SRCIN1: variants seen among roughly 807,000 people sequenced by gnomAD.
The protein encoded by SRCIN1 is SRC kinase signaling inhibitor 1.
A neutral mutation model predicts 116.2 loss-of-function variants in SRCIN1; 50 were observed. The ratio of observed to expected loss-of-function variants is 0.43; its 90% CI spans 0.34 to 0.54. The LOEUF is 0.54. SRCIN1 is among the 20% of genes least tolerant of loss of function. SRCIN1 has a pLI of 0.02. For missense variants in SRCIN1, 1,446 were observed against 1,672.0 expected (o/e 0.86, Z 2.36); for synonymous variants, 736 against 750.0 (o/e 0.98, Z 0.30).
Position 38,559,682 on chromosome 17 carries a change from G to A in SRCIN1, c.1928C>T (p.Thr643Ile). The A allele has an allele frequency of 6.3e-7, 1 of 1,598,888 alleles. No individual in the cohort carries two copies. Among genetic ancestry groups the A allele is most frequent in the Non-Finnish European group, 8.5e-7 (1 of 1,178,186 alleles). The change falls in exon 10 of 19, where the codon ACC becomes ATC. Residue 643 changes from threonine to isoleucine, a missense_variant. Around this residue, in one of 5 missense-constraint regions of SRCIN1, gnomAD observed 398 missense variants for 385.6 expected, o/e 1.03. Transcript: ENST00000617146. The stretch of plus-strand genomic sequence containing the variant: ...CTGCATCTGCAGCCGGCTAACGGCG[G>A]TAGGCTGACCTGCGGGGGTGCTGCT... ...SASSTPAGQP[T>I]AVSRLQMQLH...
At position 38,604,852 on chromosome 17, in the gene SRCIN1, A is replaced by G. The variant is rs571210242; in HGVS notation, c.22+832T>C. Reference sequence around the variant, plus strand: ...CACCCCTCAGCCGCCTGCCTTCCCTATCTTCTCACTCACCCTAGATGCCCT... The same window carrying G: ...CACCCCTCAGCCGCCTGCCTTCCCTGTCTTCTCACTCACCCTAGATGCCCT... On this transcript the variant is annotated intron_variant, in intron 1 of 18. Transcript: ENST00000617146. This position sits in a 1 kb window ranked among gnomAD's most constrained non-coding sequence, Gnocchi z 4.3. Among the ~76,000 whole-genome samples the G allele has an allele frequency of 2.4e-5, 3 of 126,270 alleles. No individual in the cohort carries two copies. The highest frequency in any genetic ancestry group is 4.6e-4 in the East Asian group (2 of 4,368). The allele number at this position is 126,270 out of a possible 152,430, so 82.8% of individuals were successfully genotyped here.
intron 2 of SRCIN1, among the ~76,000 whole-genome samples, chr17:38,573,843 C>T (rs1907243181): frequency 6.6e-6 from 1 of 152,256 alleles, no homozygotes; most frequent in South Asian, 2.1e-4. Context: ...CAGACACATT[C>T]CTGTTCCCCA....
chr17:38,564,393 C>A, intron 3 of SRCIN1, 80 bp from the exon 4 acceptor site: 1 of 1,415,436 alleles, frequency 7.1e-7, no homozygotes, highest in Non-Finnish European at 9.4e-7. Flanking sequence ...CATATCCAGG[C>A]CTGGGAAGGT....
chr17:38,597,493 G>C (rs1209309348), intron 1 of SRCIN1, among the ~76,000 whole-genome samples: 1 of 152,252 alleles, frequency 6.6e-6, no homozygotes. Context: ...TGTCTACTAT[G>C]TGCCAGGAAC....
In SRCIN1 at chr17:38,564,309, C is replaced by T. The variant is rs2143212663; in HGVS notation, c.350G>A (p.Arg117His). The change falls in exon 4 of 19, where the codon CGC (arginine) becomes CAC (histidine). Residue 117 changes from arginine to histidine, a missense_variant. Around this residue, in one of 5 missense-constraint regions of SRCIN1, gnomAD observed 246 missense variants for 265.1 expected, o/e 0.93. Coordinates refer to ENST00000617146, the MANE Select transcript of SRCIN1 (RefSeq NM_025248.3). Reference protein sequence around the residue: ...EQPNYWSFKTRSSRHTQGAQP... With the variant: ...EQPNYWSFKTHSSRHTQGAQP... ...GGCTCCCTGAGTGTGGCGTGAGCTG[C>T]GGGTCTGCAGGGGCCGGGCAGGGTG... 6.4e-7 allele frequency: 1 copy of T among 1,551,746 alleles called. No homozygotes were observed. The highest frequency in any genetic ancestry group is 1.2e-5 in the South Asian group (1 of 84,640).
chr17:38,543,112 CA>C, intron 18 of SRCIN1: 1 of 456,778 alleles, frequency 2.2e-6, no homozygotes, highest in Non-Finnish European at 4.4e-6. Context: ...ACTCTCCACA[CA>C]GCCTCCGCGC....
intron 1 of SRCIN1, among the ~76,000 whole-genome samples, chr17:38,599,451 A>C (rs1181152950): frequency 6.6e-6 from 1 of 152,158 alleles, no homozygotes; most frequent in Non-Finnish European, 1.5e-5. Flanking sequence ...GGATGCCCAA[A>C]GTTCATCTGA....
Position 38,602,292 on chromosome 17 carries a change from A to C in SRCIN1, c.22+3392T>G, listed in dbSNP as rs75243675. 0.011 allele frequency: 1,696 copies of C among 152,352 alleles called. 10 individuals carry two copies. Among genetic ancestry groups the C allele is most frequent in the Middle Eastern group, 0.024 (7 of 294 alleles). The allele number at this position is 152,352 out of a possible 1,614,324, so 9.4% of individuals were successfully genotyped here. On this transcript the variant is annotated intron_variant, in intron 1 of 18. Coordinates refer to ENST00000617146, the MANE Select transcript of SRCIN1 (RefSeq NM_025248.3). The surrounding 1 kb of genome is among the most constrained non-coding windows in gnomAD (Gnocchi z 4.2). Reference sequence around the variant, plus strand: ...GCTACTCAGAGCTTGGAATGAAAGAAGGGGAAGCGAGTACAGCCCTCAAAC... The same window carrying C: ...GCTACTCAGAGCTTGGAATGAAAGACGGGGAAGCGAGTACAGCCCTCAAAC...
At chr17:38,534,981 A>G (rs1469220105) in intron 18 of SRCIN1, among the ~76,000 whole-genome samples, 1 of 151,970 alleles carries the variant, frequency 6.6e-6, no homozygotes, top group Non-Finnish European at 1.5e-5. Context: ...AATTTTTTTT[A>G]AATAGCTGAG....
chr17:38,567,862 A>C (rs1597910918), intron 3 of SRCIN1, among the ~76,000 whole-genome samples: 1 of 152,178 alleles, frequency 6.6e-6, no homozygotes, highest in Non-Finnish European at 1.5e-5. Context: ...GGCCCACAAC[A>C]AGGGTCTAAG....
Position 38,543,956 on chromosome 17 carries a change from C to T in SRCIN1, c.3284G>A (p.Ser1095Asn), listed in dbSNP as rs1011905073. 4 of 1,581,442 alleles carry T rather than the reference C, an allele frequency of 2.5e-6. No individual in the cohort carries two copies. The African/African-American group carries it at 4.0e-5, about 16-fold the overall frequency. The change falls in exon 18 of 19, where the codon AGT (serine) becomes AAT (asparagine). Residue 1095 changes from serine to asparagine, a missense_variant. Coordinates refer to ENST00000617146, the MANE Select transcript of SRCIN1 (RefSeq NM_025248.3). ...AGTCACCACCTTCATGGGTGGTACA[C>T]TGCCTCCGCCACTCTGCAGGAAGAG... The part of the protein sequence containing the change: ...IIAELESGGG[S>N]VPPMKVVTPG...
chr17:38,534,848 C>G (rs960178104), intron 18 of SRCIN1, among the ~76,000 whole-genome samples: 3 of 152,180 alleles, frequency 2.0e-5, no homozygotes, highest in Admixed American at 1.3e-4. Context: ...AAAACAAGGG[C>G]CGGGTGTGGT....
intron 10 of SRCIN1, 147 bp downstream of exon 10, chr17:38,559,438 C>T (rs1906049113): frequency 1.3e-6 from 1 of 792,096 alleles, no homozygotes; most frequent in South Asian, 1.8e-5. Flanking sequence ...AGAAAGGGTT[C>T]GGAGAGAGGC....
At position 38,572,836 on chromosome 17, in the gene SRCIN1, C is replaced by A. The variant is rs1040916219; in HGVS notation, c.325-4605G>T. On this transcript the variant is annotated intron_variant, in intron 2 of 18. Coordinates refer to ENST00000617146, the MANE Select transcript of SRCIN1 (RefSeq NM_025248.3). The surrounding 1 kb of genome is among the most constrained non-coding windows in gnomAD (Gnocchi z 4.3). ...GCTGCAATGCGAGAGCCGCCGCGGC[C>A]GCCGCCGTGCCGGCCCGGGCCCCAG... The A allele has an allele frequency of 6.6e-6, 1 of 152,198 alleles. No homozygotes were observed. Among genetic ancestry groups the A allele is most frequent in the African/African-American group, 2.4e-5 (1 of 41,326 alleles). 9.4% of individuals were successfully genotyped at this position (152,198 alleles called of 1,614,324 possible).
At position 38,605,687 on chromosome 17, in the gene SRCIN1, G is replaced by T; in HGVS notation, c.19C>A (p.Gln7Lys). The T allele has an allele frequency of 7.7e-7, 1 of 1,291,266 alleles. No homozygotes were observed. The highest frequency in any genetic ancestry group is 2.0e-4 in the Middle Eastern group (1 of 4,942). 80.0% of individuals were successfully genotyped at this position (1,291,266 alleles called of 1,614,324 possible). A position where few individuals can be genotyped will look rare whatever the true frequency, so the allele number is the denominator to read the frequency against. ...GAGGAGAGAGACAGGGACATGCCTTGGGACGGAGCGTTCCCCATCGGGCGG... is the reference window on the plus strand; with the variant it reads ...GAGGAGAGAGACAGGGACATGCCTTTGGACGGAGCGTTCCCCATCGGGCGG... MGNAPS[Q>K]DPERSSPPML... Residue 7 changes from glutamine (Q) to lysine (K), a missense_variant, in exon 1 of 19, where the codon CAA (glutamine) becomes AAA (lysine). Transcript: ENST00000617146.
intron 1 of SRCIN1, among the ~76,000 whole-genome samples, chr17:38,598,587 A>T (rs957087288): frequency 1.3e-5 from 2 of 152,144 alleles, no homozygotes; most frequent in African/African-American, 2.4e-5. Flanking sequence ...GCCAGCTGGA[A>T]TGGAAAAGAA....
chr17:38,557,688 C>T lies in SRCIN1; in HGVS notation c.2201+539G>A, dbSNP rs56152501. Among the ~76,000 whole-genome samples, 815 of 152,360 alleles carry T rather than the reference C, an allele frequency of 5.3e-3. 3 individuals carry two copies. Among genetic ancestry groups the T allele is most frequent in the Non-Finnish European group, 9.5e-3 (645 of 68,024 alleles). On this transcript the variant is annotated intron_variant, in intron 11 of 18. Transcript: ENST00000617146. ...TGCGGAGGCACAGTGTTCGCGATTC[C>T]TCCTTCCTTCTGAAAACACTACAGC...
At position 38,544,478 on chromosome 17, in the gene SRCIN1, G is replaced by A. The variant is rs73304413; in HGVS notation, c.3271-509C>T. On this transcript the variant is annotated intron_variant, in intron 17 of 18. Transcript: ENST00000617146. This position sits in a 1 kb window ranked among gnomAD's most constrained non-coding sequence, Gnocchi z 4.5. ...GCTTGGCTCCCATGAACCTCCCCAA[G>A]TACCAGGCCTGCCCGCGGGGCACTG... 0.026 allele frequency: 4,057 copies of A among 153,316 alleles called. 180 individuals carry two copies. Among genetic ancestry groups the A allele is most frequent in the African/African-American group, 0.092 (3,819 of 41,554 alleles). 9.5% of individuals were successfully genotyped at this position (153,316 alleles called of 1,614,324 possible). A position where few individuals can be genotyped will look rare whatever the true frequency, so the allele number is the denominator to read the frequency against.
chr17:38,598,112 A>G (rs566245868), intron 1 of SRCIN1, among the ~76,000 whole-genome samples: 1 of 152,264 alleles, frequency 6.6e-6, no homozygotes, highest in South Asian at 2.1e-4. Context: ...TCTGGGGTGG[A>G]CAAAGTGAGA....
Sources: allele counts gnomAD v4.1 joint callset (sites outside exome capture counted in the v4.1 genomes callset), GRCh38; gene constraint gnomAD v4.1.1; regional missense constraint gnomAD v4.1.1; non-coding constraint Gnocchi (gnomAD v3.1); transcripts MANE v1.5; gene names NCBI Gene and HGNC (gene_info 2026-07-23, HGNC 2026-07-21).